Variants in DTX4 observed in about 807,000 individuals in gnomAD.
DTX4 encodes deltex E3 ubiquitin ligase 4.
In DTX4, 28 loss-of-function variants were observed where a neutral mutation model predicts 57.6. The ratio of observed to expected loss-of-function variants is 0.49; its 90% CI spans 0.36 to 0.67. The LOEUF (loss-of-function observed/expected upper bound fraction) is 0.67. Ranked by LOEUF, DTX4 falls within the 30% of genes least tolerant of loss-of-function variation. DTX4 has a pLI of 0.00. For missense variants in DTX4, 715 were observed against 836.8 expected (o/e 0.85, Z 1.80); for synonymous variants, 316 against 331.0 (o/e 0.95, Z 0.49).
chr11:59,203,356 A>G (rs1217650462), intron 8 of DTX4, among the ~76,000 whole-genome samples: 1 of 151,680 alleles, frequency 6.6e-6, no homozygotes, highest in Non-Finnish European at 1.5e-5. Context: ...TTTAATCCTT[A>G]TTCTATAAGC....
In DTX4 at chr11:59,205,842, G is replaced by A. The variant is rs937777888; in HGVS notation, c.*933G>A. Reference sequence around the variant, plus strand: ...CCTCTGTGTCTGTGCATGCGCGTGTGTGTGTGGGCGTGTGTGCATTGCTGG... The same window carrying A: ...CCTCTGTGTCTGTGCATGCGCGTGTATGTGTGGGCGTGTGTGCATTGCTGG... On this transcript the variant is annotated 3_prime_UTR_variant, in exon 9 of 9. Transcript: ENST00000227451. The A allele has an allele frequency of 1.3e-5, 2 of 152,930 alleles. No homozygotes were observed. Among genetic ancestry groups the A allele is most frequent in the Non-Finnish European group, 2.9e-5 (2 of 68,264 alleles). 9.5% of individuals were successfully genotyped at this position (152,930 alleles called of 1,614,324 possible). A position where few individuals can be genotyped will look rare whatever the true frequency, so the allele number is the denominator to read the frequency against.
At chr11:59,201,648 AAT>A (rs1192086237) in intron 8 of DTX4, among the ~76,000 whole-genome samples, 1 of 152,236 alleles carries the variant, frequency 6.6e-6, no homozygotes, top group Non-Finnish European at 1.5e-5. Context: ...TTTTGGAAGA[AAT>A]AGAAAATCAA....
intron 2 of DTX4, among the ~76,000 whole-genome samples, chr11:59,186,708 G>T (rs534870822): frequency 6.6e-5 from 10 of 152,306 alleles, no homozygotes; most frequent in East Asian, 1.9e-4. Flanking sequence ...GAAACTCCTG[G>T]CAGGGATGGG....
chr11:59,172,489 G>C lies in DTX4; in HGVS notation c.-107G>C, dbSNP rs1206788561. 1 of 568,978 alleles carries C rather than the reference G, an allele frequency of 1.8e-6. No individual in the cohort carries two copies. The highest frequency in any genetic ancestry group is 2.0e-5 in the African/African-American group (1 of 49,688). 35.2% of individuals were successfully genotyped at this position (568,978 alleles called of 1,614,324 possible). ...GCCCGGGGCGGCGGGGCGCGGGGCA[G>C]GGGGCGCGGTCGAGGCCCGGAGGCG... On this transcript the variant is annotated 5_prime_UTR_variant, in exon 1 of 9. Transcript: ENST00000227451.
chr11:59,181,641 C>T, intron 1 of DTX4, 98 bp from the exon 2 acceptor site: 1 of 1,487,790 alleles, frequency 6.7e-7, no homozygotes. Context: ...GGACTTGTTT[C>T]ATGTTTGCCA....
chr11:59,176,594 C>T (rs1039568009), intron 1 of DTX4, among the ~76,000 whole-genome samples: 5 of 152,190 alleles, frequency 3.3e-5, no homozygotes, highest in Non-Finnish European at 7.3e-5. Context: ...CTGGTAAGAG[C>T]GGCCTGGGAT....
At chr11:59,176,041 C>G (rs191956647) in intron 1 of DTX4, among the ~76,000 whole-genome samples, 1 of 152,318 alleles carries the variant, frequency 6.6e-6, no homozygotes, top group East Asian at 1.9e-4. Flanking sequence ...AAGGAGCGTT[C>G]TTTCCAGCTC....
intron 8 of DTX4, among the ~76,000 whole-genome samples, chr11:59,201,786 G>A (rs1291334596): frequency 1.3e-5 from 2 of 152,214 alleles, no homozygotes; most frequent in South Asian, 2.1e-4. Flanking sequence ...AACTGTTGGC[G>A]AAATGCCTCC....
intron 2 of DTX4, 61 bp from the exon 3 acceptor site, chr11:59,188,674 A>G: frequency 7.1e-7 from 1 of 1,410,888 alleles, no homozygotes; most frequent in Non-Finnish European, 1.0e-6. Context: ...TTAGAATTAA[A>G]TACTGGTCCA....
intron 2 of DTX4, among the ~76,000 whole-genome samples, chr11:59,184,129 G>A (rs554839784): frequency 6.6e-6 from 1 of 152,352 alleles, no homozygotes; most frequent in Non-Finnish European, 1.5e-5. Context: ...TTTGGGAGCA[G>A]AGAATGGATG....
intron 7 of DTX4, 88 bp downstream of exon 7, chr11:59,195,457 G>A: frequency 2.1e-6 from 3 of 1,431,072 alleles, no homozygotes; most frequent in Non-Finnish European, 2.8e-6. Context: ...CATATGAAGA[G>A]TCTCCTTCCC....
intron 8 of DTX4, among the ~76,000 whole-genome samples, chr11:59,200,540 T>G (rs1233770634): frequency 2.0e-5 from 3 of 152,202 alleles, no homozygotes; most frequent in Non-Finnish European, 4.4e-5. Flanking sequence ...TGACAACACA[T>G]TGAAGCTGGA....
intron 4 of DTX4, 68 bp from the exon 5 acceptor site, chr11:59,191,046 T>G: frequency 6.8e-7 from 1 of 1,472,280 alleles, no homozygotes; most frequent in South Asian, 1.2e-5. Context: ...CTACCATGTC[T>G]AGCACGACAA....
At chr11:59,183,578 G>T (rs980975099) in intron 2 of DTX4, among the ~76,000 whole-genome samples, 3 of 152,144 alleles carry the variant, frequency 2.0e-5, no homozygotes, top group Non-Finnish European at 2.9e-5. Flanking sequence ...GATCCCAGCT[G>T]ATCCGGATGG....
chr11:59,195,062 G>T, intron 6 of DTX4, 146 bp from the exon 7 acceptor site: 1 of 806,724 alleles, frequency 1.2e-6, no homozygotes, highest in Non-Finnish European at 2.1e-6. Context: ...AGGTGACTGG[G>T]CTGGGAGGGA....
intron 6 of DTX4, among the ~76,000 whole-genome samples, chr11:59,194,730 C>A (rs1017892872): frequency 6.6e-6 from 1 of 152,248 alleles, no homozygotes; most frequent in African/African-American, 2.4e-5. Context: ...TTCACATTCA[C>A]AGCCTGAAAC....
Position 59,207,972 on chromosome 11 carries a change from A to T in DTX4, c.*3063A>T, listed in dbSNP as rs904132742. The T allele has an allele frequency of 1.3e-5, 2 of 150,568 alleles. No individual in the cohort carries two copies. Among genetic ancestry groups the T allele is most frequent in the East Asian group, 3.9e-4 (2 of 5,090 alleles). The allele number at this position is 150,568 out of a possible 1,614,324, so 9.3% of individuals were successfully genotyped here. ...GGAAGGCTCACTGGTACAAGAAAGG[A>T]CCCCTGACCCCTTTCCTTCTCTGTG... On this transcript the variant is annotated 3_prime_UTR_variant, in exon 9 of 9. Transcript: ENST00000227451.
chr11:59,172,110 G>A (rs1459908957), upstream of DTX4, among the ~76,000 whole-genome samples: 1 of 151,894 alleles, frequency 6.6e-6, no homozygotes, highest in East Asian at 2.0e-4. Flanking sequence ...GAGGGAGAGA[G>A]GGGAGGGGAC....
rs1470328094 is a variant in DTX4 at position 59,206,067 on chromosome 11, C to A, written c.*1158C>A. 6.6e-6 allele frequency: 1 copy of A among 152,194 alleles called. No homozygotes were observed. 9.4% of individuals were successfully genotyped at this position (152,194 alleles called of 1,614,324 possible). On this transcript the variant is annotated 3_prime_UTR_variant, in exon 9 of 9. Coordinates refer to ENST00000227451, the MANE Select transcript of DTX4 (RefSeq NM_015177.2). ...GATGCAATGAGGTGAGGGCTGAACT[C>A]ATCCTTTTATATTTCTTTTCAAGAT...
Sources: gnomAD v4.1 joint callset for allele counts (sites outside exome capture counted in the v4.1 genomes callset) on GRCh38, gnomAD v4.1.1 for gene constraint, MANE v1.5 for transcripts, NCBI Gene and HGNC (gene_info 2026-07-23, HGNC 2026-07-21) for gene names.